Variants in PIEZO1 observed in about 807,000 individuals in gnomAD.
The protein encoded by PIEZO1 is piezo-type mechanosensitive ion channel component 1.
In PIEZO1, 296 loss-of-function variants were observed where a neutral mutation model predicts 297.2. The observed-to-expected ratio is 1.00, with a 90% confidence interval of 0.91 to 1.10. PIEZO1 has a LOEUF of 1.10. PIEZO1 is among the 50% of genes least tolerant of loss of function. The pLI, the probability that PIEZO1 is intolerant of heterozygous loss-of-function variation, is 0.00. For synonymous variants in PIEZO1, 2,427 were observed against 1,507.5 expected (o/e 1.61, Z -14.13); for missense variants, 5,018 against 3,455.5 (o/e 1.45, Z -11.34).
In PIEZO1 at chr16:88,733,964, GTCC is replaced by G. The variant is rs59446030; in HGVS notation, c.2268_2270del (p.Glu756del). ...CCACGCCCAGCCCCTCGTCCCTGGA[GTCC>G]TCCTCCTCCTCCTCCTCCTCCTGCT... On this transcript the variant is annotated inframe_deletion, in exon 17 of 51. Transcript: ENST00000301015. 16,830 of 1,480,714 alleles carry G rather than the reference GTCC, an allele frequency of 0.011. 954 individuals carry two copies. In the African/African-American group the frequency reaches 0.17, roughly 15 times the overall value. The allele number at this position is 1,480,714 out of a possible 1,614,324, so 91.7% of individuals were successfully genotyped here. A position where few individuals can be genotyped will look rare whatever the true frequency, so the allele number is the denominator to read the frequency against.
Position 88,716,363 on chromosome 16 carries a change from A to C in PIEZO1, c.7047T>G (p.Ser2349=). 6.5e-7 allele frequency: 1 copy of C among 1,535,534 alleles called. No individual in the cohort carries two copies. The highest frequency in any genetic ancestry group is 8.8e-7 in the Non-Finnish European group (1 of 1,137,834). Residue 2349 remains serine, a splice_region_variant and synonymous_variant, in exon 48 of 51, where the codon TCT becomes TCG. Coordinates refer to ENST00000301015, the MANE Select transcript of PIEZO1 (RefSeq NM_001142864.4). ...ASLLEGTSDQ[S]VVIPNLFPKY... Reference sequence around the variant, plus strand: ...CACCACCCGGGCCCTTCACTCACACAGACTGGTCCGAGGTGCCCTCGAGCA... The same window carrying C: ...CACCACCCGGGCCCTTCACTCACACCGACTGGTCCGAGGTGCCCTCGAGCA...
chr16:88,735,099 C>G, intron 13 of PIEZO1, 36 bp downstream of exon 13: 1 of 1,549,700 alleles, frequency 6.5e-7, no homozygotes, highest in Non-Finnish European at 8.7e-7. Context: ...GGCGGGCAGG[C>G]AGGAGGGCAA....
Position 88,726,848 on chromosome 16 carries a change from T to C in PIEZO1, c.3566A>G (p.Tyr1189Cys). 1 of 1,550,334 alleles carries C rather than the reference T, an allele frequency of 6.5e-7. No homozygotes were observed. Among genetic ancestry groups the C allele is most frequent in the Non-Finnish European group, 8.7e-7 (1 of 1,146,916 alleles). Residue 1189 changes from tyrosine to cysteine, a missense_variant, in exon 25 of 51, where the codon TAC becomes TGC. Tyr to Cys is a radical substitution (Grantham distance 194). Coordinates refer to ENST00000301015, the MANE Select transcript of PIEZO1 (RefSeq NM_001142864.4). ...ATRISIFGLGYLLACFYLLLF... is the reference protein window; with the variant it reads ...ATRISIFGLGCLLACFYLLLF... ...CAGCAGGTAGAAGCAGGCCAGCAGG[T>C]AGCCCAGCCCGAAGATGCTGATGCG...
Position 88,722,956 on chromosome 16 carries a change from G to A in PIEZO1, c.4549C>T (p.Leu1517=), listed in dbSNP as rs901307413. The A allele has an allele frequency of 2.6e-6, 4 of 1,548,954 alleles. No homozygotes were observed. In the East Asian group the frequency reaches 9.8e-5, roughly 38 times the overall value. The stretch of plus-strand genomic sequence containing the variant: ...AGCTCATCCACTAGCGCCTGCCCCA[G>A]CATCCACAGGAACTGCGCCGTGCTC... The part of the protein sequence containing the change: ...VLSTAQFLWM[L]GQALVDELTR... The change falls in exon 34 of 51, where the codon CTG becomes TTG. Residue 1517 remains leucine (L), a synonymous_variant. Coordinates refer to ENST00000301015, the MANE Select transcript of PIEZO1 (RefSeq NM_001142864.4).
rs1260086862 is a variant in PIEZO1 at position 88,732,446 on chromosome 16, C to T, written c.2880G>A (p.Pro960=). 9.0e-6 allele frequency: 14 copies of T among 1,549,464 alleles called. No individual in the cohort carries two copies. Among genetic ancestry groups the T allele is most frequent in the African/African-American group, 5.5e-5 (4 of 73,010 alleles). The part of the protein sequence containing the change: ...EHYRRQHQLA[P]LPAQAVFASG... Reference sequence around the variant, plus strand: ...TGGCAAACACGGCCTGGGCAGGCAGCGGGGCCAGCTGGTGCTGCCGGCGGT... The same window carrying T: ...TGGCAAACACGGCCTGGGCAGGCAGTGGGGCCAGCTGGTGCTGCCGGCGGT... Residue 960 remains proline, a synonymous_variant, in exon 21 of 51, where the codon CCG becomes CCA. Coordinates refer to ENST00000301015, the MANE Select transcript of PIEZO1 (RefSeq NM_001142864.4).
At chr16:88,733,489 G>C (rs757561296) in intron 18 of PIEZO1, 35 bp from the exon 19 acceptor site, 85 of 1,537,424 alleles carry the variant, frequency 5.5e-5, no homozygotes, top group Non-Finnish European at 7.3e-5. Flanking sequence ...TGGGCTTGGG[G>C]AGGGCAGTGG....
rs1466909134 is a variant in PIEZO1, at chr16:88,732,397, G to T, written c.2929C>A (p.Gln977Lys). ...FASGTRQQLD[Q>K]DLLGCLKYFI... ...TACTTGAGGCAGCCGAGCAGATCCT[G>T]GTCCAGCTGCTGGCGGGTGCCGCTG... The change falls in exon 21 of 51, where the codon CAG (glutamine) becomes AAG (lysine). Residue 977 changes from glutamine to lysine, a missense_variant. Transcript: ENST00000301015. 3.2e-6 allele frequency: 5 copies of T among 1,549,828 alleles called. No individual in the cohort carries two copies. The East Asian group carries it at 1.2e-4, about 38-fold the overall frequency.
chr16:88,720,254 G>A lies in PIEZO1; in HGVS notation c.5979C>T (p.Ser1993=), dbSNP rs1912334230. Residue 1993 remains serine, a synonymous_variant, in exon 42 of 51, where the codon TCC becomes TCT. Coordinates refer to ENST00000301015, the MANE Select transcript of PIEZO1 (RefSeq NM_001142864.4). ...CGGGTACCTGGTCGTCTGATAGGGAGGACGTGATGTCTGTGGCCGCCGAGT... is the reference window on the plus strand; with the variant it reads ...CGGGTACCTGGTCGTCTGATAGGGAAGACGTGATGTCTGTGGCCGCCGAGT... ...GKHSAATDIT[S]SLSDDQVPEA... 1 of 1,550,416 alleles carries A rather than the reference G, an allele frequency of 6.4e-7. No individual in the cohort carries two copies. Among genetic ancestry groups the A allele is most frequent in the African/African-American group, 1.4e-5 (1 of 73,050 alleles).
intron 1 of PIEZO1, among the ~76,000 whole-genome samples, chr16:88,767,970 C>T (rs890004429): frequency 5.9e-5 from 9 of 152,220 alleles, no homozygotes; most frequent in South Asian, 4.1e-4. Context: ...CTCCCTCCCC[C>T]GGGTCCAGAC....
At chr16:88,736,618 C>T in intron 11 of PIEZO1, 21 bp downstream of exon 11, 1 of 1,518,292 alleles carries the variant, frequency 6.6e-7, no homozygotes, top group Non-Finnish European at 8.8e-7. Flanking sequence ...GCCGCCCACC[C>T]CAACCCCCAC....
chr16:88,769,850 T>C (rs541787277), intron 1 of PIEZO1, among the ~76,000 whole-genome samples: 167 of 152,336 alleles, frequency 1.1e-3, no homozygotes, highest in Non-Finnish European at 1.8e-3. Context: ...GAGCTGGCCC[T>C]GCTCCTGCGC....
Position 88,737,954 on chromosome 16 carries a change from C to G in PIEZO1, c.1000G>C (p.Ala334Pro). Reference sequence around the variant, plus strand: ...CTCACCTGGCCGGAGGGGCGGTACGCGCGGAGCTTGCGCAGAGAGGCCGTG... The same window carrying G: ...CTCACCTGGCCGGAGGGGCGGTACGGGCGGAGCTTGCGCAGAGAGGCCGTG... ...YATASLRKLR[A>P]YRPSGQRKEA... Residue 334 changes from alanine (A) to proline (P), a missense_variant, in exon 8 of 51, where the codon GCG (alanine) becomes CCG (proline). Physicochemically the swap from Ala to Pro is conservative, Grantham distance 27. Transcript: ENST00000301015. 1 of 1,531,914 alleles carries G rather than the reference C, an allele frequency of 6.5e-7. No individual in the cohort carries two copies. Among genetic ancestry groups the G allele is most frequent in the Non-Finnish European group, 8.7e-7 (1 of 1,144,548 alleles). The allele number at this position is 1,531,914 out of a possible 1,614,324, so 94.9% of individuals were successfully genotyped here.
chr16:88,748,729 A>T (rs1486855824), intron 2 of PIEZO1, among the ~76,000 whole-genome samples: 3 of 152,104 alleles, frequency 2.0e-5, no homozygotes, highest in African/African-American at 7.2e-5. Flanking sequence ...TGCAACACGG[A>T]TCAGAAAAGA....
In PIEZO1 at chr16:88,719,491, G is replaced by T. The variant is rs934903177; in HGVS notation, c.6471+83C>A. 20 of 1,358,816 alleles carry T rather than the reference G, an allele frequency of 1.5e-5. No individual in the cohort carries two copies. The Admixed American group carries it at 2.5e-4, about 17-fold the overall frequency. The allele number at this position is 1,358,816 out of a possible 1,614,324, so 84.2% of individuals were successfully genotyped here. A position where few individuals can be genotyped will look rare whatever the true frequency, so the allele number is the denominator to read the frequency against. ...CCTGGGAGGGCCTCCAGCACCACGG[G>T]TTCTCGTGGCAGCAGTGCCTCTGTC... is the stretch of plus-strand genomic sequence containing the variant. On this transcript the variant is annotated intron_variant, in intron 44 of 50. Coordinates refer to ENST00000301015, the MANE Select transcript of PIEZO1 (RefSeq NM_001142864.4).
chr16:88,724,132 AG>A (rs1436931143), intron 30 of PIEZO1, among the ~76,000 whole-genome samples, 161 bp from the exon 31 acceptor site: 2 of 152,170 alleles, frequency 1.3e-5, no homozygotes, highest in African/African-American at 4.8e-5. Context: ...GGGACAAGAC[AG>A]AGGTGGGCAG....
At chr16:88,735,321 T>C in intron 12 of PIEZO1, 75 bp from the exon 13 acceptor site, 1 of 1,058,304 alleles carries the variant, frequency 9.4e-7, no homozygotes, top group Middle Eastern at 2.3e-4. Flanking sequence ...CCCAGCACCC[T>C]CCTATAGCAG....
chr16:88,770,557 C>CG (rs1406238097), intron 1 of PIEZO1, among the ~76,000 whole-genome samples: 3 of 152,200 alleles, frequency 2.0e-5, no homozygotes, highest in Non-Finnish European at 4.4e-5. Flanking sequence ...GCCGTTAGTG[C>CG]GGGGGCCCCG....
intron 21 of PIEZO1, 54 bp downstream of exon 21, chr16:88,732,277 GTCCC>G: frequency 7.0e-7 from 1 of 1,435,180 alleles, no homozygotes; most frequent in Non-Finnish European, 9.6e-7. Context: ...CGGTGCAGCC[GTCCC>G]TCCCTCCCGA....
chr16:88,727,173 C>G lies in PIEZO1; in HGVS notation c.3321G>C (p.Leu1107=), dbSNP rs1430542718. Residue 1107 remains leucine (L), a synonymous_variant, in exon 24 of 51, where the codon CTG becomes CTC. Transcript: ENST00000301015. ...ACACCTGCCACTGCTGGGAGGCGCA[C>G]AGCAGCAGGAGAAAGTCGCCTGCAG... ...TNLISDFLLL[L]CASQQWQVFS... is the part of the protein sequence containing the mutation. 17 of 1,544,038 alleles carry G rather than the reference C, an allele frequency of 1.1e-5. No homozygotes were observed. Among genetic ancestry groups the G allele is most frequent in the Non-Finnish European group, 1.4e-5 (16 of 1,143,140 alleles).
Sources: allele counts gnomAD v4.1 joint callset (sites outside exome capture counted in the v4.1 genomes callset), GRCh38; gene constraint gnomAD v4.1.1; transcripts MANE v1.5; gene names NCBI Gene and HGNC (gene_info 2026-07-23, HGNC 2026-07-21).